Variants in ANKRD6 observed in about 807,000 individuals in gnomAD.
ANKRD6 encodes the protein ankyrin repeat domain-containing protein 6.
ANKRD6 carries 56 observed loss-of-function variants against 82.3 expected under a neutral mutation model. The observed-to-expected ratio is 0.68, with a 90% CI of 0.55 to 0.85. The LOEUF is 0.85. Ranked by LOEUF, ANKRD6 falls within the 40% of genes least tolerant of loss-of-function variation. ANKRD6 has a pLI of 0.00. For missense variants in ANKRD6, 852 were observed against 907.6 expected (o/e 0.94, Z 0.79); for synonymous variants, 347 against 352.1 (o/e 0.99, Z 0.16).
chr6:89,530,654 G>A (rs940730354), intron 1 of ANKRD6, among the ~76,000 whole-genome samples: 1 of 152,214 alleles, frequency 6.6e-6, no homozygotes, highest in Admixed American at 6.5e-5. Flanking sequence ...CACTCACAGT[G>A]CTTTATCTTG....
chr6:89,515,627 A>G (rs1480319040), intron 1 of ANKRD6, among the ~76,000 whole-genome samples: 1 of 152,220 alleles, frequency 6.6e-6, no homozygotes, highest in Non-Finnish European at 1.5e-5. Context: ...AATGTTATTA[A>G]GGATCTTGAG....
At chr6:89,489,851 G>A (rs538600163) in intron 1 of ANKRD6, among the ~76,000 whole-genome samples, 1 of 152,202 alleles carries the variant, frequency 6.6e-6, no homozygotes, top group Non-Finnish European at 1.5e-5. Flanking sequence ...TTATTAATGA[G>A]AATTTTATGA....
At chr6:89,470,631 A>AATG (rs1288062941) in intron 1 of ANKRD6, among the ~76,000 whole-genome samples, 7 of 151,526 alleles carry the variant, frequency 4.6e-5, no homozygotes, top group African/African-American at 7.3e-5. Context: ...TAATAATAAT[A>AATG]ATGATGATGA....
At chr6:89,453,715 G>A (rs2127959415) in intron 1 of ANKRD6, among the ~76,000 whole-genome samples, 1 of 151,980 alleles carries the variant, frequency 6.6e-6, no homozygotes, top group Admixed American at 6.6e-5. Context: ...GAGTAGCTGA[G>A]ACTACAGGTG....
chr6:89,517,402 G>T (rs1412554792), intron 1 of ANKRD6, among the ~76,000 whole-genome samples: 1 of 152,168 alleles, frequency 6.6e-6, no homozygotes, highest in Admixed American at 6.5e-5. Flanking sequence ...TTGTGAAAAG[G>T]CACATAATAG....
intron 1 of ANKRD6, among the ~76,000 whole-genome samples, chr6:89,470,324 A>G (rs1775295161): frequency 6.6e-6 from 1 of 152,230 alleles, no homozygotes; most frequent in Non-Finnish European, 1.5e-5. Flanking sequence ...CAGTGAGTCA[A>G]AAATGATTAA....
rs750711496 is a variant in ANKRD6, at chr6:89,567,115, G to T, written c.120+19G>T. 6.4e-7 allele frequency: 1 copy of T among 1,568,810 alleles called. No homozygotes were observed. Among genetic ancestry groups the T allele is most frequent in the South Asian group, 1.2e-5 (1 of 85,308 alleles). On this transcript the variant is annotated intron_variant, in intron 2 of 15. Transcript: ENST00000339746. ...TACCAAGGTAACAAGAGAAAAATAC[G>T]CTGTAGCCATTCCCTGGGAACTGGC...
chr6:89,512,784 T>C lies in ANKRD6; in HGVS notation c.-143-54050T>C, dbSNP rs1780710511. On this transcript the variant is annotated intron_variant, in intron 1 of 15. Transcript: ENST00000339746. Reference sequence around the variant, plus strand: ...CAGATACTGATTGGGATAGATTTCATAGCTAATCTAGAAGAAGTAATAATC... The same window carrying C: ...CAGATACTGATTGGGATAGATTTCACAGCTAATCTAGAAGAAGTAATAATC... Among the ~76,000 whole-genome samples the C allele has an allele frequency of 2.6e-5, 4 of 152,242 alleles. No individual in the cohort carries two copies. The South Asian group carries it at 8.3e-4, about 32-fold the overall frequency.
intron 1 of ANKRD6, among the ~76,000 whole-genome samples, chr6:89,555,799 G>T (rs780406820): frequency 6.6e-6 from 1 of 151,928 alleles, no homozygotes; most frequent in Non-Finnish European, 1.5e-5. Flanking sequence ...TCTGGACTTT[G>T]TTCTGGGGGA....
chr6:89,436,255 C>T (rs1770622875), intron 1 of ANKRD6, among the ~76,000 whole-genome samples: 1 of 152,214 alleles, frequency 6.6e-6, no homozygotes. Flanking sequence ...GACACTGCCA[C>T]TCTCATTTCC....
chr6:89,618,657 A>G (rs1273740180), intron 9 of ANKRD6, among the ~76,000 whole-genome samples: 1 of 152,230 alleles, frequency 6.6e-6, no homozygotes, highest in Non-Finnish European at 1.5e-5. Context: ...CCCCTGAAAC[A>G]ACTGTTTTTG....
At chr6:89,450,772 G>T (rs1297792377) in intron 1 of ANKRD6, among the ~76,000 whole-genome samples, 1 of 151,920 alleles carries the variant, frequency 6.6e-6, no homozygotes. Context: ...GAGTGCTGGG[G>T]GTTACAGGCG....
intron 2 of ANKRD6, among the ~76,000 whole-genome samples, 172 bp from the exon 3 acceptor site, chr6:89,595,744 T>C (rs188554326): frequency 1.3e-5 from 2 of 152,320 alleles, no homozygotes; most frequent in Admixed American, 1.3e-4. Context: ...CAAGGTTAAC[T>C]GAGACAAACT....
intron 2 of ANKRD6, among the ~76,000 whole-genome samples, chr6:89,576,918 A>G (rs1044600950): frequency 4.6e-5 from 7 of 151,914 alleles, no homozygotes; most frequent in African/African-American, 1.7e-4. Context: ...AGCTGCCTTC[A>G]TGGGCATTTT....
rs1256452940 is a variant in ANKRD6, at chr6:89,566,983, C to T, written c.7C>T (p.Gln3Ter). The stretch of plus-strand genomic sequence containing the variant: ...AACCTTTCTTTCCTAATTCATGAGC[C>T]AGCAAGATGCGGTCGCTGCACTTTC... The part of the protein sequence containing the change: MS[Q>*]QDAVAALSER... Residue 3 changes from glutamine to a stop codon, truncating the protein, a stop_gained, in exon 2 of 16, where the codon CAG (glutamine) becomes TAG (stop). Coordinates refer to ENST00000339746, the MANE Select transcript of ANKRD6 (RefSeq NM_001242809.2). LOFTEE classifies it high-confidence loss of function. 1.9e-6 allele frequency: 3 copies of T among 1,590,960 alleles called. No individual in the cohort carries two copies. Among genetic ancestry groups the T allele is most frequent in the Admixed American group, 1.8e-5 (1 of 56,918 alleles).
rs59245345 is a variant in ANKRD6, at chr6:89,442,636, CAA to C, written c.-144+9281_-144+9282del. Among the ~76,000 whole-genome samples, 310 of 97,448 alleles carry C rather than the reference CAA, an allele frequency of 3.2e-3. 2 individuals carry two copies. The highest frequency in any genetic ancestry group is 0.012 in the South Asian group (32 of 2,666). The allele number at this position is 97,448 out of a possible 152,430, so 63.9% of individuals were successfully genotyped here. On this transcript the variant is annotated intron_variant, in intron 1 of 15. Transcript: ENST00000339746. ...TGGGCAACAGAGCAAAACCCTGTCT[CAA>C]AAAAAAAAAAAAAAAAAAAGACAGC...
intron 1 of ANKRD6, among the ~76,000 whole-genome samples, chr6:89,464,308 G>GA (rs201390903): frequency 1.3e-4 from 19 of 149,732 alleles, no homozygotes; most frequent in East Asian, 1.2e-3. Context: ...AAGAGAAAAG[G>GA]AAAAAAAAAG....
intron 2 of ANKRD6, among the ~76,000 whole-genome samples, chr6:89,593,574 T>C (rs544650400): frequency 1.6e-4 from 25 of 152,338 alleles, no homozygotes; most frequent in African/African-American, 5.8e-4. Context: ...TCACATTTCA[T>C]GGGGAGAAAT....
chr6:89,629,352 T>C, intron 15 of ANKRD6, 114 bp downstream of exon 15: 1 of 1,447,478 alleles, frequency 6.9e-7, no homozygotes, highest in South Asian at 1.2e-5. Context: ...CACTGGATGG[T>C]AAAGTGCACT....
Sources: gnomAD v4.1 joint callset for allele counts (sites outside exome capture counted in the v4.1 genomes callset) on GRCh38, gnomAD v4.1.1 for gene constraint, MANE v1.5 for transcripts, NCBI Gene and HGNC (gene_info 2026-07-23, HGNC 2026-07-21) for gene names.